Variants in NSUN2 observed in about 807,000 individuals in gnomAD.
NSUN2 encodes the protein NOP2/Sun RNA methyltransferase 2, also known as RNA cytosine C(5)-methyltransferase NSUN2.
A neutral mutation model predicts 92.7 loss-of-function variants in NSUN2; 63 were observed. That is an observed-to-expected ratio of 0.68 (90% CI 0.56 to 0.84). The LOEUF (loss-of-function observed/expected upper bound fraction) is 0.84. Ranked by LOEUF, NSUN2 falls within the 40% of genes least tolerant of loss-of-function variation. The probability of loss-of-function intolerance (pLI) is 0.00; values close to 1 mark genes in which losing one functional copy is unlikely to be tolerated. For synonymous variants in NSUN2, 356 were observed against 348.3 expected (o/e 1.02, Z -0.25); for missense variants, 989 against 964.9 (o/e 1.02, Z -0.33).
Position 6,611,812 on chromosome 5 carries a change from G to A in NSUN2, c.1022-14C>T. The A allele has an allele frequency of 6.2e-7, 1 of 1,613,208 alleles. No homozygotes were observed. The highest frequency in any genetic ancestry group is 1.1e-5 in the South Asian group (1 of 91,026). ...GCTCCAAAGCACCTGTGCAGCAAAA[G>A]CATGGACGTCTTTTGTTTTTCAAAA... On this transcript the variant is annotated splice_polypyrimidine_tract_variant and intron_variant, in intron 9 of 18. Coordinates refer to ENST00000264670, the MANE Select transcript of NSUN2 (RefSeq NM_017755.6).
rs1475792071 is a variant in NSUN2, at chr5:6,604,668, G to T, written c.1755C>A (p.Ile585=). 1 of 1,613,828 alleles carries T rather than the reference G, an allele frequency of 6.2e-7. No individual in the cohort carries two copies. The highest frequency in any genetic ancestry group is 1.3e-5 in the African/African-American group (1 of 74,996). The change falls in exon 16 of 19, where the codon ATC becomes ATA. Residue 585 remains isoleucine, a synonymous_variant. Coordinates refer to ENST00000264670, the MANE Select transcript of NSUN2 (RefSeq NM_017755.6). The part of the protein sequence containing the change: ...SEKMKVINTG[I]KVWCRNNSGE... Reference sequence around the variant, plus strand: ...CGCTGTTATTTCTACACCAGACTTTGATCCCCGTGTTAATAACCTGTAAGT... The same window carrying T: ...CGCTGTTATTTCTACACCAGACTTTTATCCCCGTGTTAATAACCTGTAAGT...
intron 3 of NSUN2, among the ~76,000 whole-genome samples, chr5:6,627,138 G>A (rs942526966): frequency 5.9e-5 from 9 of 152,214 alleles, no homozygotes; most frequent in Non-Finnish European, 1.2e-4. Context: ...TTCCCTCCTC[G>A]ACATTTAATG....
chr5:6,604,652 T>G lies in NSUN2; in HGVS notation c.1771A>C (p.Asn591His). 6.2e-7 allele frequency: 1 copy of G among 1,614,058 alleles called. No homozygotes were observed. The highest frequency in any genetic ancestry group is 8.5e-7 in the Non-Finnish European group (1 of 1,179,992). The change falls in exon 16 of 19, where the codon AAT (asparagine) becomes CAT (histidine). Residue 591 changes from asparagine (N) to histidine (H), a missense_variant. Coordinates refer to ENST00000264670, the MANE Select transcript of NSUN2 (RefSeq NM_017755.6). ...INTGIKVWCR[N>H]NSGEEFDCAF... ...CAGTCAAACTCTTCACCGCTGTTAT[T>G]TCTACACCAGACTTTGATCCCCGTG...
chr5:6,623,127 T>A, intron 5 of NSUN2, 87 bp downstream of exon 5: 2 of 1,108,572 alleles, frequency 1.8e-6, no homozygotes, highest in Non-Finnish European at 2.6e-6. Flanking sequence ...ACTAATTATA[T>A]TAAGAAAAAA....
intron 14 of NSUN2, among the ~76,000 whole-genome samples, chr5:6,606,125 A>C (rs1579356678): frequency 6.6e-6 from 1 of 152,188 alleles, no homozygotes. Context: ...CTTTTCCTCT[A>C]TATTCTGTCT....
At chr5:6,600,923 C>T (rs756591021) in intron 18 of NSUN2, among the ~76,000 whole-genome samples, 22 of 152,198 alleles carry the variant, frequency 1.4e-4, no homozygotes, top group Non-Finnish European at 2.9e-4. Context: ...ACCTTCCAGG[C>T]TCCACCTGTC....
chr5:6,633,002 G>A lies in NSUN2; in HGVS notation c.-23C>T. The A allele has an allele frequency of 2.8e-6, 4 of 1,429,556 alleles. No homozygotes were observed. Among genetic ancestry groups the A allele is most frequent in the Non-Finnish European group, 2.7e-6 (3 of 1,103,050 alleles). The allele number at this position is 1,429,556 out of a possible 1,614,324, so 88.6% of individuals were successfully genotyped here. On this transcript the variant is annotated 5_prime_UTR_variant, in exon 1 of 19. Transcript: ENST00000264670. The stretch of plus-strand genomic sequence containing the variant: ...CATAGCCCACGCGGCCGCGCACGCA[G>A]CACGCAGAAACCGGCCCGCCACGGC...
intron 9 of NSUN2, among the ~76,000 whole-genome samples, chr5:6,614,004 G>A (rs1220031794): frequency 1.3e-5 from 2 of 150,388 alleles, no homozygotes; most frequent in Non-Finnish European, 2.9e-5. Flanking sequence ...GGCTGAGGCA[G>A]GAGAATCACT....
rs561619814 is a variant in NSUN2 at position 6,610,054 on chromosome 5, T to A, written c.1227-132A>T. ...ACCCTCACTCATAGAATGGCCAATA[T>A]GTAAACTTAAATTTTTTTTTTTTTT... On this transcript the variant is annotated intron_variant, in intron 11 of 18. Coordinates refer to ENST00000264670, the MANE Select transcript of NSUN2 (RefSeq NM_017755.6). The A allele has an allele frequency of 1.6e-5, 9 of 576,282 alleles. No homozygotes were observed. In the East Asian group the frequency reaches 3.0e-4, roughly 19 times the overall value. 35.7% of individuals were successfully genotyped at this position (576,282 alleles called of 1,614,324 possible). A position where few individuals can be genotyped will look rare whatever the true frequency, so the allele number is the denominator to read the frequency against.
intron 3 of NSUN2, 40 bp from the exon 4 acceptor site, chr5:6,625,709 AC>A: frequency 7.0e-7 from 1 of 1,438,216 alleles, no homozygotes; most frequent in East Asian, 2.3e-5. Flanking sequence ...GATTATAAAT[AC>A]TAAAGTCGTC....
Position 6,599,812 on chromosome 5 carries a change from GAAA to G in NSUN2, c.*111_*113del. The stretch of plus-strand genomic sequence containing the variant: ...TGATCCCACCAGTCTGCAGTCATTA[GAAA>G]TATATGCTTTACAGGCCACAGGCTG... On this transcript the variant is annotated 3_prime_UTR_variant, in exon 19 of 19. Transcript: ENST00000264670. 1.1e-6 allele frequency: 1 copy of G among 898,508 alleles called. No individual in the cohort carries two copies. Among genetic ancestry groups the G allele is most frequent in the Non-Finnish European group, 1.7e-6 (1 of 578,294 alleles). The allele number at this position is 898,508 out of a possible 1,614,324, so 55.7% of individuals were successfully genotyped here. A position where few individuals can be genotyped will look rare whatever the true frequency, so the allele number is the denominator to read the frequency against.
At chr5:6,603,034 GAACC>G (rs1229570639) in intron 17 of NSUN2, among the ~76,000 whole-genome samples, 3 of 152,096 alleles carry the variant, frequency 2.0e-5, no homozygotes, top group African/African-American at 7.2e-5. Flanking sequence ...TATCCCAAAG[GAACC>G]ACACGAGTAA....
chr5:6,606,551 C>T (rs545132758), intron 14 of NSUN2, among the ~76,000 whole-genome samples: 1 of 152,276 alleles, frequency 6.6e-6, no homozygotes, highest in African/African-American at 2.4e-5. Context: ...TCCCAAAGTG[C>T]TGGGATTACA....
chr5:6,610,048 C>A, intron 11 of NSUN2, 126 bp from the exon 12 acceptor site: 2 of 614,630 alleles, frequency 3.3e-6, no homozygotes, highest in South Asian at 2.8e-5. Flanking sequence ...CATAGAATGG[C>A]CAATATGTAA....
rs1736479317 is a variant in NSUN2, at chr5:6,599,974, T to C, written c.2256A>G (p.Pro752=). The C allele has an allele frequency of 2.5e-6, 4 of 1,614,202 alleles. No homozygotes were observed. Among genetic ancestry groups the C allele is most frequent in the South Asian group, 2.2e-5 (2 of 91,084 alleles). Residue 752 remains proline, a synonymous_variant, in exon 19 of 19, where the codon CCA becomes CCG. Coordinates refer to ENST00000264670, the MANE Select transcript of NSUN2 (RefSeq NM_017755.6). Reference sequence around the variant, plus strand: ...CCGGGTCACAGCCTGCTGTCACGTCTGGACTGTTGGCCTCTTCTGCATCTG... The same window carrying C: ...CCGGGTCACAGCCTGCTGTCACGTCCGGACTGTTGGCCTCTTCTGCATCTG... ...NSPDAEEANS[P]DVTAGCDPAG...
chr5:6,601,339 C>T (rs977581450), intron 18 of NSUN2, among the ~76,000 whole-genome samples: 1 of 151,898 alleles, frequency 6.6e-6, no homozygotes, highest in South Asian at 2.1e-4. Flanking sequence ...TGTTCAAACT[C>T]TCGTTAAAAA....
chr5:6,600,805 G>A (rs531211025), intron 18 of NSUN2, among the ~76,000 whole-genome samples: 4 of 152,148 alleles, frequency 2.6e-5, no homozygotes, highest in Non-Finnish European at 5.9e-5. Context: ...ACCCCACATG[G>A]CAGTCTGAGC....
At chr5:6,609,788 A>T (rs368883289) in intron 12 of NSUN2, 38 bp downstream of exon 12, 1 of 1,511,382 alleles carries the variant, frequency 6.6e-7, no homozygotes, top group Non-Finnish European at 9.2e-7. Flanking sequence ...AATGTACAAG[A>T]TCAAATGTTA....
chr5:6,610,996 C>T lies in NSUN2; in HGVS notation c.1185G>A (p.Pro395=), dbSNP rs536258085. The change falls in exon 11 of 19, where the codon CCG becomes CCA. Residue 395 remains proline, a synonymous_variant. Transcript: ENST00000264670. ...HTQIRPTMFP[P]KDPEKLQAMH... ...TGGCCTGCAGCTTTTCTGGGTCCTT[C>T]GGAGGGAACATGGTAGGTCGGATCT... 2.3e-5 allele frequency: 37 copies of T among 1,614,162 alleles called. 1 individual carries two copies. The highest frequency in any genetic ancestry group is 1.7e-4 in the Admixed American group (10 of 60,026).
Sources: gnomAD v4.1 joint callset for allele counts (sites outside exome capture counted in the v4.1 genomes callset) on GRCh38, gnomAD v4.1.1 for gene constraint, MANE v1.5 for transcripts, NCBI Gene and HGNC (gene_info 2026-07-23, HGNC 2026-07-21) for gene names.